The following CSMD1 variants were observed in gnomAD, a reference collection of about 807,000 sequenced individuals.
The protein encoded by CSMD1 is CUB and sushi domain-containing protein 1.
A neutral mutation model predicts 417.5 loss-of-function variants in CSMD1; 213 were observed. The ratio of observed to expected loss-of-function variants is 0.51; its 90% confidence interval spans 0.46 to 0.57. The LOEUF is 0.57. Among genes scored for constraint, CSMD1 ranks in the 20% least tolerant of loss-of-function variants. The pLI is 0.00. For missense variants in CSMD1, 6,923 were observed against 4,529.7 expected (o/e 1.53, Z -15.17); for synonymous variants, 2,862 against 1,736.8 (o/e 1.65, Z -16.11).
At chr8:3,854,864 T>C (rs959978408) in intron 5 of CSMD1, among the ~76,000 whole-genome samples, 2 of 152,316 alleles carry the variant, frequency 1.3e-5, no homozygotes, top group East Asian at 1.9e-4. Context: ...TTCTAATCCA[T>C]TTCAGAGTAA....
intron 5 of CSMD1, among the ~76,000 whole-genome samples, chr8:3,942,886 G>C (rs1044185541): frequency 4.6e-5 from 7 of 152,030 alleles, no homozygotes; most frequent in Non-Finnish European, 7.4e-5. Flanking sequence ...AAAATCAAAT[G>C]AATACATCAT....
chr8:4,823,388 A>G lies in CSMD1; in HGVS notation c.85+170944T>C, dbSNP rs573785250. Among the ~76,000 whole-genome samples, 5 of 152,264 alleles carry G rather than the reference A, an allele frequency of 3.3e-5. No individual in the cohort carries two copies. The East Asian group carries it at 9.6e-4, about 29-fold the overall frequency. On this transcript the variant is annotated intron_variant, in intron 1 of 69. Coordinates refer to ENST00000635120, the MANE Select transcript of CSMD1 (RefSeq NM_033225.6). ...ACAAGTATGACTTTGAAAAAAAATC[A>G]AAGTAGTTCATTAACTTTTCTTACT...
chr8:4,923,534 A>G (rs1806641763), intron 1 of CSMD1, among the ~76,000 whole-genome samples: 5 of 152,028 alleles, frequency 3.3e-5, no homozygotes, highest in Admixed American at 3.3e-4. Flanking sequence ...ATTCATATAT[A>G]TATATACTAT....
chr8:4,568,649 C>T (rs1798735638), intron 2 of CSMD1, among the ~76,000 whole-genome samples: 1 of 152,110 alleles, frequency 6.6e-6, no homozygotes, highest in South Asian at 2.1e-4. Flanking sequence ...AAAGGGATTG[C>T]TGGGTCAAAT....
At chr8:4,143,558 C>T (rs112874447) in intron 3 of CSMD1, among the ~76,000 whole-genome samples, 45,276 of 150,658 alleles carry the variant, frequency 0.3, 8,452 homozygotes, top group Non-Finnish European at 0.39. Context: ...ACTTGTAAGG[C>T]TTAGATATGA....
intron 5 of CSMD1, among the ~76,000 whole-genome samples, chr8:3,783,455 C>G (rs1431583255): frequency 6.6e-6 from 1 of 152,190 alleles, no homozygotes; most frequent in East Asian, 1.9e-4. Flanking sequence ...GTCGGGAGCA[C>G]AGAAGCATTG....
intron 2 of CSMD1, among the ~76,000 whole-genome samples, chr8:4,484,835 T>A (rs1430880258): frequency 6.6e-6 from 1 of 151,132 alleles, no homozygotes; most frequent in Admixed American, 6.6e-5. Flanking sequence ...TAGCCGGGCA[T>A]GGTGGCAGGC....
intron 3 of CSMD1, among the ~76,000 whole-genome samples, chr8:4,259,523 A>C (rs1171348383): frequency 9.0e-6 from 1 of 110,864 alleles, no homozygotes; most frequent in African/African-American, 2.9e-5. Context: ...ACAAAGTTCG[A>C]GTTTTTAAAA....
At chr8:4,191,777 A>T (rs981806862) in intron 3 of CSMD1, among the ~76,000 whole-genome samples, 1 of 150,228 alleles carries the variant, frequency 6.7e-6, no homozygotes, top group Non-Finnish European at 1.5e-5. Flanking sequence ...GGTTCAGTTC[A>T]TCCTGTGGTT....
intron 1 of CSMD1, among the ~76,000 whole-genome samples, chr8:4,959,555 G>A (rs1474876478): frequency 1.3e-5 from 2 of 152,206 alleles, no homozygotes; most frequent in African/African-American, 4.8e-5. Flanking sequence ...CTCTGGTCAC[G>A]GCACTATAAT....
At chr8:3,856,885 A>G (rs370460670) in intron 5 of CSMD1, among the ~76,000 whole-genome samples, 6 of 152,288 alleles carry the variant, frequency 3.9e-5, no homozygotes, top group African/African-American at 1.4e-4. Flanking sequence ...CATGAAATGA[A>G]CACTTGTAAC....
At chr8:4,775,413 T>C (rs1477719969) in intron 1 of CSMD1, among the ~76,000 whole-genome samples, 3 of 151,802 alleles carry the variant, frequency 2.0e-5, no homozygotes, top group Non-Finnish European at 4.4e-5. Flanking sequence ...CCATGAAGTA[T>C]ACAATAAAAC....
chr8:3,677,338 AAAAGT>A (rs1179254367), intron 7 of CSMD1, among the ~76,000 whole-genome samples: 1 of 152,194 alleles, frequency 6.6e-6, no homozygotes, highest in South Asian at 2.1e-4. Flanking sequence ...TATACCTTTT[AAAAGT>A]AATTCTTGAA....
chr8:4,105,127 T>A (rs976121760), intron 3 of CSMD1, among the ~76,000 whole-genome samples: 1 of 152,200 alleles, frequency 6.6e-6, no homozygotes, highest in African/African-American at 2.4e-5. Flanking sequence ...CTACATGTAA[T>A]ACACAATCAC....
intron 1 of CSMD1, among the ~76,000 whole-genome samples, chr8:4,979,108 C>G (rs1405833532): frequency 1.3e-5 from 2 of 152,174 alleles, no homozygotes; most frequent in African/African-American, 4.8e-5. Context: ...TAAAACACGT[C>G]TTTTCTACCT....
In CSMD1 at chr8:3,753,940, A is replaced by G. The variant is rs1420880577; in HGVS notation, c.921T>C (p.Ala307=). 1.2e-6 allele frequency: 2 copies of G among 1,607,892 alleles called. No homozygotes were observed. The highest frequency in any genetic ancestry group is 8.5e-7 in the Non-Finnish European group (1 of 1,175,426). Residue 307 remains alanine (A), a synonymous_variant, in exon 6 of 70, where the codon GCT becomes GCC. Coordinates refer to ENST00000635120, the MANE Select transcript of CSMD1 (RefSeq NM_033225.6). ...ATGGAGCATCCTTACCTTGGAACTG[A>G]GCGTTAAATCCTTTGCGTCGGTGGT... ...DSNHRRKGFN[A]QFQVKKAIEL...
intron 12 of CSMD1, among the ~76,000 whole-genome samples, chr8:3,410,013 G>C (rs1037115379): frequency 1.3e-5 from 2 of 152,130 alleles, no homozygotes; most frequent in African/African-American, 2.4e-5. Context: ...TCCCTACTGA[G>C]TATTTAAATA....
chr8:3,823,420 T>C (rs1042602654), intron 5 of CSMD1, among the ~76,000 whole-genome samples: 3 of 152,176 alleles, frequency 2.0e-5, no homozygotes, highest in South Asian at 4.1e-4. Context: ...ATGATATTTC[T>C]TATGCAAAAT....
chr8:3,014,018 T>C (rs144657084), intron 52 of CSMD1, among the ~76,000 whole-genome samples: 30 of 152,274 alleles, frequency 2.0e-4, no homozygotes, highest in African/African-American at 6.5e-4. Flanking sequence ...GAACTCAGAA[T>C]TTCTTCTCCT....
Sources: gnomAD v4.1 joint callset for allele counts (sites outside exome capture counted in the v4.1 genomes callset) on GRCh38, gnomAD v4.1.1 for gene constraint, MANE v1.5 for transcripts, NCBI Gene and HGNC (gene_info 2026-07-23, HGNC 2026-07-21) for gene names.